The following DIAPH2 variants were observed in gnomAD, a reference collection of about 807,000 sequenced individuals.
The protein encoded by DIAPH2 is diaphanous related formin 2.
Under a neutral mutation model 92.7 loss-of-function variants are expected in DIAPH2, and 35 were observed. The ratio of observed to expected loss-of-function variants is 0.38; its 90% CI spans 0.29 to 0.50. The LOEUF is 0.50. Ranked by LOEUF, DIAPH2 falls within the 20% of genes least tolerant of loss-of-function variation. The pLI is 0.94. For missense variants in DIAPH2, 701 were observed against 819.5 expected (o/e 0.86, Z 1.77); for synonymous variants, 301 against 280.4 (o/e 1.07, Z -0.73).
intron 23 of DIAPH2, among the ~76,000 whole-genome samples, chrX:97,264,957 T>G (rs2068323579): frequency 9.0e-6 from 1 of 110,923 alleles, no homozygotes; most frequent in Admixed American, 9.6e-5. Context: ...CATTCCAGCC[T>G]GGGTGACAGA....
At chrX:96,992,617 A>T (rs1225140205) in intron 17 of DIAPH2, among the ~76,000 whole-genome samples, 1 of 112,010 alleles carries the variant, frequency 8.9e-6, no homozygotes, top group Non-Finnish European at 1.9e-5. Flanking sequence ...CTACTTCCCC[A>T]AATAGTTTTC....
At chrX:97,059,664 A>G (rs1295565865) in intron 17 of DIAPH2, among the ~76,000 whole-genome samples, 3 of 112,469 alleles carry the variant, frequency 2.7e-5, no homozygotes, top group African/African-American at 9.7e-5. Flanking sequence ...ATAAAGTAGG[A>G]CAGAGATGAA....
At chrX:96,781,694 T>A (rs2064418908) in intron 4 of DIAPH2, among the ~76,000 whole-genome samples, 1 of 108,671 alleles carries the variant, frequency 9.2e-6, no homozygotes, top group Non-Finnish European at 1.9e-5. Context: ...ATTACATAAA[T>A]AAAAAGAAAA....
chrX:96,770,961 A>C (rs1033464407), intron 4 of DIAPH2, among the ~76,000 whole-genome samples: 1 of 111,663 alleles, frequency 9.0e-6, no homozygotes, highest in African/African-American at 3.2e-5. Flanking sequence ...GGATAGGGGT[A>C]TCTGTATATG....
chrX:96,729,913 A>G (rs1020217212), intron 1 of DIAPH2, among the ~76,000 whole-genome samples: 1 of 112,170 alleles, frequency 8.9e-6, no homozygotes, highest in Non-Finnish European at 1.9e-5. Context: ...GATGTTAACA[A>G]TGGCAAAGTA....
intron 22 of DIAPH2, among the ~76,000 whole-genome samples, chrX:97,153,618 G>A (rs1411798841): frequency 2.7e-5 from 3 of 110,958 alleles, no homozygotes; most frequent in Non-Finnish European, 5.7e-5. Flanking sequence ...AAAAAATGAA[G>A]GTTAGAATTC....
intron 1 of DIAPH2, among the ~76,000 whole-genome samples, chrX:96,734,093 G>C (rs2064072481): frequency 8.9e-6 from 1 of 112,126 alleles, no homozygotes; most frequent in South Asian, 3.7e-4. Context: ...TTTTTTTCTT[G>C]TGTCTGTCTC....
chrX:97,170,191 A>G (rs1260924185), intron 22 of DIAPH2, among the ~76,000 whole-genome samples: 3 of 111,345 alleles, frequency 2.7e-5, no homozygotes, highest in East Asian at 5.6e-4. Context: ...CAACCTGGAC[A>G]TGTAAATCTG....
At chrX:96,749,824 C>T (rs1443353348) in intron 3 of DIAPH2, among the ~76,000 whole-genome samples, 1 of 110,713 alleles carries the variant, frequency 9.0e-6, no homozygotes. Context: ...CTGTTCCAGA[C>T]AGTACATCTA....
chrX:97,576,420 G>A (rs1025744458), intron 26 of DIAPH2, among the ~76,000 whole-genome samples: 25 of 111,756 alleles, frequency 2.2e-4, no homozygotes, highest in African/African-American at 7.2e-4. Context: ...CAAGGAAAAG[G>A]ATAGTAGCAT....
At chrX:97,014,634 C>G (rs1318576477) in intron 17 of DIAPH2, among the ~76,000 whole-genome samples, 1 of 111,901 alleles carries the variant, frequency 8.9e-6, no homozygotes, top group Non-Finnish European at 1.9e-5. Flanking sequence ...AGACCATCAG[C>G]TTTTTTCAGA....
At chrX:96,898,295 C>T (rs1307997198) in intron 5 of DIAPH2, among the ~76,000 whole-genome samples, 5 of 103,759 alleles carry the variant, frequency 4.8e-5, no homozygotes, top group South Asian at 5.0e-4. Flanking sequence ...CCTGAGGAAT[C>T]GCCACACTGA....
chrX:96,835,823 C>A (rs763449013), intron 4 of DIAPH2, among the ~76,000 whole-genome samples: 1 of 110,653 alleles, frequency 9.0e-6, no homozygotes, highest in South Asian at 3.9e-4. Flanking sequence ...TTTTCTTTTA[C>A]GTTTTTTGAG....
intron 22 of DIAPH2, among the ~76,000 whole-genome samples, chrX:97,230,149 G>A (rs1395788890): frequency 9.1e-6 from 1 of 110,373 alleles, no homozygotes; most frequent in African/African-American, 3.3e-5. Flanking sequence ...TATGGTATTG[G>A]CCTCAAACAA....
chrX:97,081,247 A>G (rs760462862), intron 19 of DIAPH2, among the ~76,000 whole-genome samples: 27 of 111,509 alleles, frequency 2.4e-4, no homozygotes, highest in Non-Finnish European at 4.9e-4. Context: ...GCTCTTAAAT[A>G]GGTGATTAAA....
chrX:96,725,949 A>C (rs1215414102), intron 1 of DIAPH2, among the ~76,000 whole-genome samples: 1 of 111,916 alleles, frequency 8.9e-6, no homozygotes, highest in Non-Finnish European at 1.9e-5. Context: ...TGCTTGAAGT[A>C]GACAGATAGC....
At chrX:97,015,516 C>A (rs2066254207) in intron 17 of DIAPH2, among the ~76,000 whole-genome samples, 1 of 111,363 alleles carries the variant, frequency 9.0e-6, no homozygotes, top group Non-Finnish European at 1.9e-5. Flanking sequence ...CTTATAGTAG[C>A]AAGTATCCAA....
intron 4 of DIAPH2, among the ~76,000 whole-genome samples, chrX:96,833,560 A>C (rs2064869047): frequency 8.9e-6 from 1 of 111,941 alleles, no homozygotes. Flanking sequence ...GTATTTAAAA[A>C]AATCATTACG....
chrX:96,887,433 G>A (rs770403296), intron 5 of DIAPH2, among the ~76,000 whole-genome samples: 3 of 111,132 alleles, frequency 2.7e-5, no homozygotes, highest in South Asian at 7.8e-4. Flanking sequence ...ACTATTTTGG[G>A]CAGGGACATT....
Sources: gnomAD v4.1 joint callset for allele counts (sites outside exome capture counted in the v4.1 genomes callset) on GRCh38, gnomAD v4.1.1 for gene constraint, MANE v1.5 for transcripts, NCBI Gene and HGNC (gene_info 2026-07-23, HGNC 2026-07-21) for gene names.